Variants in ARHGAP40 observed in about 807,000 individuals in gnomAD.
ARHGAP40 encodes the protein rho GTPase-activating protein 40.
A neutral mutation model predicts 73.5 loss-of-function variants in ARHGAP40; 43 were observed. The observed-to-expected ratio is 0.58, with a 90% CI of 0.46 to 0.75. The LOEUF (loss-of-function observed/expected upper bound fraction) is 0.75, where lower values mean the gene tolerates loss of function less well. Among genes scored for constraint, ARHGAP40 ranks in the 30% least tolerant of loss-of-function variants. The pLI is 0.00. For synonymous variants in ARHGAP40, 300 were observed against 352.8 expected, an observed-to-expected ratio of 0.85 and a Z score of 1.68; for missense variants, 734 against 861.8, an observed-to-expected ratio of 0.85 and a Z score of 1.86.
At chr20:38,624,823 G>A (rs933134932) in intron 2 of ARHGAP40, among the ~76,000 whole-genome samples, 9 of 152,146 alleles carry the variant, frequency 5.9e-5, no homozygotes, top group Non-Finnish European at 2.9e-5. Flanking sequence ...TACTCTGTTC[G>A]TTGCTGCAGC....
chr20:38,602,801 T>A (rs1480065829), intron 1 of ARHGAP40, among the ~76,000 whole-genome samples: 2 of 152,234 alleles, frequency 1.3e-5, no homozygotes, highest in Non-Finnish European at 2.9e-5. Context: ...CCTCAATTAA[T>A]GTTATGGACA....
chr20:38,648,775 T>G, intron 14 of ARHGAP40, 77 bp downstream of exon 14: 1 of 1,212,330 alleles, frequency 8.2e-7, no homozygotes, highest in Non-Finnish European at 1.1e-6. Flanking sequence ...CACTGGGCCC[T>G]TCTGTGGGAG....
intron 1 of ARHGAP40, among the ~76,000 whole-genome samples, chr20:38,604,545 G>A (rs962442392): frequency 3.9e-5 from 6 of 151,946 alleles, no homozygotes; most frequent in African/African-American, 9.7e-5. Context: ...ACAGGCGTGC[G>A]CCACCACGCC....
At position 38,625,108 on chromosome 20, in the gene ARHGAP40, A is replaced by G. The variant is rs2088892093; in HGVS notation, c.337+1550A>G. ...GGCAAAACAGACCACGTGGTGATGC[A>G]GACCTCCTAAGGGCCTAATAGTCTC... On this transcript the variant is annotated intron_variant, in intron 2 of 14. Transcript: ENST00000373345. 3.3e-5 allele frequency among the ~76,000 whole-genome samples: 5 copies of G among 152,266 alleles called. No individual in the cohort carries two copies. The South Asian group carries it at 1.0e-3, about 32-fold the overall frequency.
chr20:38,628,561 C>T (rs1348954563), intron 3 of ARHGAP40, among the ~76,000 whole-genome samples: 2 of 152,144 alleles, frequency 1.3e-5, no homozygotes, highest in Non-Finnish European at 2.9e-5. Context: ...GCCTCGGCCT[C>T]CCAAAGTGCT....
chr20:38,650,148 C>G, exon 15 of ARHGAP40: 1 of 362,000 alleles, frequency 2.8e-6, no homozygotes, highest in Non-Finnish European at 5.4e-6. Flanking sequence ...ATGTTTTAAC[C>G]GTGCACACAA....
intron 5 of ARHGAP40, among the ~76,000 whole-genome samples, chr20:38,631,595 C>G (rs2088938883): frequency 6.6e-6 from 1 of 152,172 alleles, no homozygotes; most frequent in South Asian, 2.1e-4. Context: ...CACAGGGCCC[C>G]TCCCACAACA....
intron 4 of ARHGAP40, 62 bp downstream of exon 4, chr20:38,629,064 G>C (rs1047207949): frequency 9.1e-6 from 11 of 1,211,604 alleles, no homozygotes; most frequent in African/African-American, 1.6e-5. Flanking sequence ...GGGCTGCTCT[G>C]TGAAGTAAGA....
chr20:38,636,669 A>C (rs1011652364), intron 6 of ARHGAP40, among the ~76,000 whole-genome samples: 1 of 152,194 alleles, frequency 6.6e-6, no homozygotes, highest in Non-Finnish European at 1.5e-5. Context: ...TGTCTTTCCT[A>C]TTATAAGACA....
intron 1 of ARHGAP40, among the ~76,000 whole-genome samples, chr20:38,611,879 C>T (rs984858784): frequency 2.6e-5 from 4 of 151,430 alleles, no homozygotes; most frequent in African/African-American, 7.3e-5. Context: ...TGGCCACACC[C>T]GGCTAATTTT....
intron 1 of ARHGAP40, among the ~76,000 whole-genome samples, chr20:38,608,365 A>G (rs1009348866): frequency 1.3e-5 from 2 of 151,010 alleles, no homozygotes; most frequent in African/African-American, 4.9e-5. Flanking sequence ...TTCTCAGCCC[A>G]CTCCCCCTTT....
At chr20:38,634,848 A>C in intron 6 of ARHGAP40, 63 bp downstream of exon 6, 3 of 1,181,066 alleles carry the variant, frequency 2.5e-6, no homozygotes, top group South Asian at 1.6e-5. Flanking sequence ...CTGAACACGG[A>C]CTCTCCCAGC....
At chr20:38,641,168 G>C (rs139765835) in intron 9 of ARHGAP40, among the ~76,000 whole-genome samples, 2,024 of 152,270 alleles carry the variant, frequency 0.013, 21 homozygotes, top group Middle Eastern at 0.027. Context: ...CTCAGCCTCT[G>C]TCTCCTACGC....
exon 13 of ARHGAP40, chr20:38,647,043 C>T (rs191649638): frequency 3.0e-5 from 39 of 1,305,426 alleles, no homozygotes; most frequent in African/African-American, 2.6e-4. Context: ...AAGTGGCCCA[C>T]GTCCTGAGGC....
intron 9 of ARHGAP40, 108 bp downstream of exon 9, chr20:38,639,494 T>C (rs1848498866): frequency 1.7e-6 from 2 of 1,189,388 alleles, no homozygotes; most frequent in East Asian, 1.2e-4. Context: ...CCTGGAAATG[T>C]CTGTTCCAGA....
intron 1 of ARHGAP40, among the ~76,000 whole-genome samples, chr20:38,619,085 C>T (rs2088859815): frequency 6.6e-6 from 1 of 152,070 alleles, no homozygotes; most frequent in African/African-American, 2.4e-5. Context: ...AGACGTAATC[C>T]AGGTTAGGGA....
intron 1 of ARHGAP40, among the ~76,000 whole-genome samples, chr20:38,621,375 C>A (rs1201846964): frequency 6.6e-6 from 1 of 152,100 alleles, no homozygotes; most frequent in Non-Finnish European, 1.5e-5. Flanking sequence ...AGAAACAACC[C>A]AAATCTCCAT....
intron 1 of ARHGAP40, among the ~76,000 whole-genome samples, chr20:38,615,680 G>C (rs532900442): frequency 6.6e-6 from 1 of 152,136 alleles, no homozygotes; most frequent in East Asian, 1.9e-4. Context: ...AACATGGAGC[G>C]TGCACACAGC....
chr20:38,637,931 C>A, intron 7 of ARHGAP40, 132 bp downstream of exon 7: 1 of 600,890 alleles, frequency 1.7e-6, no homozygotes, highest in Non-Finnish European at 2.4e-6. Context: ...GGTTCAAATT[C>A]TGGCTCTGGC....
Sources: gnomAD v4.1 joint callset for allele counts (sites outside exome capture counted in the v4.1 genomes callset) on GRCh38, gnomAD v4.1.1 for gene constraint, MANE v1.5 for transcripts, NCBI Gene and HGNC (gene_info 2026-07-23, HGNC 2026-07-21) for gene names.